DDX55: variants seen among roughly 807,000 people sequenced by gnomAD.
DDX55 encodes the protein ATP-dependent RNA helicase DDX55.
Under a neutral mutation model 69.2 loss-of-function variants are expected in DDX55, and 56 were observed. That is an observed-to-expected ratio of 0.81 (90% confidence interval 0.65 to 1.01). The LOEUF is 1.01. Ranked by LOEUF, DDX55 falls within the 50% of genes least tolerant of loss-of-function variation. The probability of loss-of-function intolerance (pLI) is 0.00; values close to 1 mark genes in which losing one functional copy is unlikely to be tolerated. For missense variants in DDX55, 720 were observed against 745.1 expected (o/e 0.97, Z 0.39); for synonymous variants, 268 against 273.1 (o/e 0.98, Z 0.18).
intron 7 of DDX55, 31 bp downstream of exon 7, chr12:123,610,159 G>A (rs1954125410): frequency 7.5e-6 from 12 of 1,597,530 alleles, no homozygotes; most frequent in Middle Eastern, 3.4e-4. Context: ...CTTACTCAGC[G>A]ATAATGACCA....
intron 1 of DDX55, among the ~76,000 whole-genome samples, chr12:123,603,992 G>A (rs1175440837): frequency 6.6e-6 from 1 of 151,754 alleles, no homozygotes; most frequent in Admixed American, 6.6e-5. Flanking sequence ...TAGTAGAGAC[G>A]GGATTTCGCC....
At chr12:123,618,880 A>G in intron 12 of DDX55, 43 bp downstream of exon 12, 1 of 1,601,696 alleles carries the variant, frequency 6.2e-7, no homozygotes, top group Non-Finnish European at 8.5e-7. Flanking sequence ...CATCTTAACT[A>G]TGTGGTGGTC....
intron 9 of DDX55, among the ~76,000 whole-genome samples, chr12:123,615,799 G>A (rs568807223): frequency 7.2e-5 from 11 of 152,218 alleles, no homozygotes; most frequent in Admixed American, 2.6e-4. Context: ...CCTGGCTAAC[G>A]TGGTGAAACC....
chr12:123,602,774 T>A (rs1353351895), intron 1 of DDX55, among the ~76,000 whole-genome samples: 4 of 152,192 alleles, frequency 2.6e-5, no homozygotes, highest in African/African-American at 7.2e-5. Context: ...AGCCTTACTT[T>A]CTAGTGCAAG....
At position 123,615,063 on chromosome 12, in the gene DDX55, T is replaced by C. The variant is rs1302229493; in HGVS notation, c.825-122T>C. The C allele has an allele frequency of 1.2e-5, 16 of 1,336,586 alleles. No individual in the cohort carries two copies. The East Asian group carries it at 3.8e-4, about 32-fold the overall frequency. The allele number at this position is 1,336,586 out of a possible 1,614,324, so 82.8% of individuals were successfully genotyped here. On this transcript the variant is annotated intron_variant, in intron 8 of 13. Coordinates refer to ENST00000238146, the MANE Select transcript of DDX55 (RefSeq NM_020936.3). ...ATTTCCACTGCCATTTTCCTTGTCA[T>C]TCCCCTAGGGAGGGCTTGTAGTTAG...
At chr12:123,618,619 A>G (rs1566203933) in intron 11 of DDX55, 50 bp from the exon 12 acceptor site, 1 of 1,589,956 alleles carries the variant, frequency 6.3e-7, no homozygotes, top group East Asian at 2.2e-5. Flanking sequence ...AGCCCTGGGG[A>G]TATGATGCCA....
intron 6 of DDX55, 110 bp downstream of exon 6, chr12:123,608,939 C>T: frequency 1.9e-6 from 2 of 1,043,920 alleles, no homozygotes; most frequent in Non-Finnish European, 2.6e-6. Context: ...TTTTTATTTT[C>T]ATTTTTATTT....
In DDX55 at chr12:123,620,165, A is replaced by G. The variant is rs1467753903; in HGVS notation, c.*25A>G. Reference sequence around the variant, plus strand: ...ATTCCAGTGCCACAGATGAACCCACAAGGACATAGCTGTTCCCTAACTTGG... The same window carrying G: ...ATTCCAGTGCCACAGATGAACCCACGAGGACATAGCTGTTCCCTAACTTGG... On this transcript the variant is annotated 3_prime_UTR_variant, in exon 14 of 14. Coordinates refer to ENST00000238146, the MANE Select transcript of DDX55 (RefSeq NM_020936.3). The G allele has an allele frequency of 1.2e-6, 2 of 1,607,316 alleles. No individual in the cohort carries two copies. Among genetic ancestry groups the G allele is most frequent in the Non-Finnish European group, 1.7e-6 (2 of 1,176,008 alleles).
chr12:123,607,656 A>C lies in DDX55; in HGVS notation c.395A>C (p.Gln132Pro). The change falls in exon 5 of 14, where the codon CAA becomes CCA. Residue 132 changes from glutamine to proline, a missense_variant. Transcript: ENST00000238146. ...GGAGAAGATGTTGAGAGGTTTAAGC[A>C]ACAAGGGTGAGTTTGCTCGTGTCTG... ...NPGEDVERFK[Q>P]QGGNIIVATP... 6.2e-7 allele frequency: 1 copy of C among 1,614,154 alleles called. No homozygotes were observed. Among genetic ancestry groups the C allele is most frequent in the Non-Finnish European group, 8.5e-7 (1 of 1,180,028 alleles).
intron 7 of DDX55, 105 bp from the exon 8 acceptor site, chr12:123,613,065 T>C: frequency 8.7e-7 from 1 of 1,155,630 alleles, no homozygotes; most frequent in Non-Finnish European, 1.3e-6. Context: ...GTCCTACCCA[T>C]GGGGGAAATG....
At chr12:123,618,203 G>T in intron 11 of DDX55, 1 of 380,628 alleles carries the variant, frequency 2.6e-6, no homozygotes, top group South Asian at 2.0e-5. Flanking sequence ...GTAGAGATGG[G>T]GTTTCTCCAT....
Position 123,603,453 on chromosome 12 carries a change from G to A in DDX55, c.108+1197G>A, listed in dbSNP as rs528464005. ...GTTGCCCAGGCTGGAGTGCAGTGGC[G>A]CGATCTCGGCTCACTGCAACCTCCG... is the stretch of plus-strand genomic sequence containing the variant. On this transcript the variant is annotated intron_variant, in intron 1 of 13. Transcript: ENST00000238146. Among the ~76,000 whole-genome samples, 931 of 150,078 alleles carry A rather than the reference G, an allele frequency of 6.2e-3. 12 individuals are homozygous for A. Among genetic ancestry groups the A allele is most frequent in the African/African-American group, 0.021 (856 of 40,684 alleles).
At chr12:123,619,127 C>G (rs1432854755) in intron 12 of DDX55, among the ~76,000 whole-genome samples, 1 of 152,206 alleles carries the variant, frequency 6.6e-6, no homozygotes, top group Non-Finnish European at 1.5e-5. Flanking sequence ...CTCAGCCTCC[C>G]GAGTAGCTGG....
At chr12:123,602,335 GGACA>G in intron 1 of DDX55, 79 bp downstream of exon 1, 2 of 1,323,414 alleles carry the variant, frequency 1.5e-6, no homozygotes, top group East Asian at 5.3e-5. Flanking sequence ...GGAGGTGATC[GGACA>G]GATCTGAGCC....
chr12:123,609,120 G>T (rs754716200), intron 6 of DDX55, among the ~76,000 whole-genome samples: 8 of 151,370 alleles, frequency 5.3e-5, no homozygotes, highest in Non-Finnish European at 8.8e-5. Context: ...TGCCTGGATG[G>T]TTTTTTTATT....
chr12:123,619,152 G>A lies in DDX55; in HGVS notation c.1334-280G>A, dbSNP rs1046305657. ...CGAGTAGCTGGGACTACAGGCGCCC[G>A]CCACCACGCCCAGCTAATTTTTTGT... On this transcript the variant is annotated intron_variant, in intron 12 of 13. Coordinates refer to ENST00000238146, the MANE Select transcript of DDX55 (RefSeq NM_020936.3). Among the ~76,000 whole-genome samples the A allele has an allele frequency of 6.6e-5, 10 of 152,276 alleles. No homozygotes were observed. In the South Asian group the frequency reaches 1.9e-3, roughly 28 times the overall value.
chr12:123,607,544 C>T, intron 4 of DDX55, 21 bp downstream of exon 4: 1 of 1,614,196 alleles, frequency 6.2e-7, no homozygotes, highest in African/African-American at 1.3e-5. Context: ...TGCAGTGTCC[C>T]TGTTAGTCAT....
intron 7 of DDX55, 66 bp downstream of exon 7, chr12:123,610,194 T>C (rs1954127832): frequency 1.3e-6 from 2 of 1,526,522 alleles, no homozygotes; most frequent in South Asian, 1.3e-5. Context: ...GAAATTGTAC[T>C]GGTAGAATAA....
In DDX55 at chr12:123,605,165, C is replaced by T. The variant is rs546503479; in HGVS notation, c.109-766C>T. 4.3e-3 allele frequency: 660 copies of T among 153,260 alleles called. 3 individuals carry two copies. The highest frequency in any genetic ancestry group is 7.4e-3 in the Non-Finnish European group (512 of 68,778). 9.5% of individuals were successfully genotyped at this position (153,260 alleles called of 1,614,324 possible). On this transcript the variant is annotated intron_variant, in intron 1 of 13. Coordinates refer to ENST00000238146, the MANE Select transcript of DDX55 (RefSeq NM_020936.3). The stretch of plus-strand genomic sequence containing the variant: ...CCTCCTGAGTAGCTGGGACTGCAGG[C>T]ATGCACCACCACACCCACATAATTA...
Sources: gnomAD v4.1 joint callset for allele counts (sites outside exome capture counted in the v4.1 genomes callset) on GRCh38, gnomAD v4.1.1 for gene constraint, MANE v1.5 for transcripts, NCBI Gene and HGNC (gene_info 2026-07-23, HGNC 2026-07-21) for gene names.